ST8SIA6: variants seen among roughly 807,000 people sequenced by gnomAD.
ST8SIA6 encodes the protein ST8 alpha-N-acetyl-neuraminide alpha-2,8-sialyltransferase 6.
A neutral mutation model predicts 33.6 loss-of-function variants in ST8SIA6; 39 were observed. The ratio of observed to expected loss-of-function variants is 1.16; its 90% CI spans 0.90 to 1.52. The LOEUF (loss-of-function observed/expected upper bound fraction) is 1.52. ST8SIA6 is among the 40% of genes most tolerant of loss of function. The pLI is 0.00. For synonymous variants in ST8SIA6, 172 were observed against 167.2 expected, an observed-to-expected ratio of 1.03 and a Z score of -0.22; for missense variants, 441 against 443.8, an observed-to-expected ratio of 0.99 and a Z score of 0.06.
intron 3 of ST8SIA6, among the ~76,000 whole-genome samples, chr10:17,362,790 C>A (rs1849433850): frequency 1.3e-5 from 2 of 152,120 alleles, no homozygotes; most frequent in Non-Finnish European, 2.9e-5. Flanking sequence ...CGGTTCACTG[C>A]AACCTCCGCC....
chr10:17,383,326 A>G (rs969051188), intron 3 of ST8SIA6, among the ~76,000 whole-genome samples: 22 of 152,210 alleles, frequency 1.4e-4, no homozygotes, highest in African/African-American at 5.3e-4. Context: ...AAATGACATA[A>G]TTTGGCTTAT....
intron 2 of ST8SIA6, among the ~76,000 whole-genome samples, chr10:17,424,546 GT>G: frequency 6.6e-6 from 1 of 152,116 alleles, no homozygotes; most frequent in Non-Finnish European, 1.5e-5. Context: ...TTTAAAGATT[GT>G]GCTCTGATTG....
At chr10:17,342,532 C>A (rs1848712070) in intron 4 of ST8SIA6, among the ~76,000 whole-genome samples, 1 of 152,152 alleles carries the variant, frequency 6.6e-6, no homozygotes, top group South Asian at 2.1e-4. Context: ...GGGAAGAAAG[C>A]CAGCTGGGAC....
chr10:17,342,751 C>G (rs1011701489), intron 4 of ST8SIA6, among the ~76,000 whole-genome samples: 2 of 152,100 alleles, frequency 1.3e-5, no homozygotes, highest in African/African-American at 4.8e-5. Context: ...AAGTTTGAGA[C>G]CAGCCTGGCC....
chr10:17,334,016 TG>T (rs200533681), intron 4 of ST8SIA6, among the ~76,000 whole-genome samples: 7 of 149,032 alleles, frequency 4.7e-5, no homozygotes, highest in Non-Finnish European at 8.9e-5. Flanking sequence ...CCACTGCACC[TG>T]GTTTTTTTTT....
intron 4 of ST8SIA6, among the ~76,000 whole-genome samples, chr10:17,338,068 C>T (rs973147824): frequency 2.1e-5 from 3 of 143,014 alleles, no homozygotes; most frequent in Admixed American, 7.3e-5. Flanking sequence ...GAGTTTCACT[C>T]TTCCCTCCCA....
intron 2 of ST8SIA6, among the ~76,000 whole-genome samples, chr10:17,397,682 T>C (rs1850864645): frequency 6.6e-6 from 1 of 152,184 alleles, no homozygotes; most frequent in Non-Finnish European, 1.5e-5. Flanking sequence ...CATTAATTGG[T>C]ACACATTTCC....
chr10:17,344,997 AAGAC>A (rs774635106), intron 4 of ST8SIA6, among the ~76,000 whole-genome samples: 18 of 151,874 alleles, frequency 1.2e-4, no homozygotes, highest in South Asian at 2.1e-4. Context: ...AACAGAAAAA[AAGAC>A]AGAGAACATC....
intron 4 of ST8SIA6, among the ~76,000 whole-genome samples, chr10:17,337,303 G>T (rs1394227801): frequency 6.6e-6 from 1 of 152,174 alleles, no homozygotes; most frequent in Non-Finnish European, 1.5e-5. Flanking sequence ...ACCCCATCTC[G>T]GTTATTTCTT....
intron 3 of ST8SIA6, among the ~76,000 whole-genome samples, chr10:17,387,468 T>G (rs1850420935): frequency 1.4e-5 from 2 of 144,668 alleles, no homozygotes; most frequent in Admixed American, 6.9e-5. Context: ...GGGTTCTCCA[T>G]GTTGGTCTGG....
At chr10:17,369,976 A>T (rs1485242380) in intron 3 of ST8SIA6, among the ~76,000 whole-genome samples, 2 of 149,258 alleles carry the variant, frequency 1.3e-5, no homozygotes, top group African/African-American at 2.5e-5. Flanking sequence ...TTTTTAATTC[A>T]GTGTGACAAT....
At chr10:17,402,675 C>T (rs1479317473) in intron 2 of ST8SIA6, among the ~76,000 whole-genome samples, 1 of 151,408 alleles carries the variant, frequency 6.6e-6, no homozygotes, top group South Asian at 2.1e-4. Flanking sequence ...ATCGCAAGAA[C>T]AAAAAACCAA....
chr10:17,346,730 T>G (rs563362059), intron 4 of ST8SIA6, among the ~76,000 whole-genome samples: 1 of 152,214 alleles, frequency 6.6e-6, no homozygotes, highest in Admixed American at 6.5e-5. Context: ...ATAACCAACA[T>G]GCCAGTTAAG....
intron 2 of ST8SIA6, among the ~76,000 whole-genome samples, chr10:17,438,428 A>G (rs879684254): frequency 9.9e-5 from 15 of 152,146 alleles, no homozygotes; most frequent in Non-Finnish European, 1.9e-4. Context: ...ACATATACAA[A>G]CATTATGGAG....
intron 3 of ST8SIA6, among the ~76,000 whole-genome samples, chr10:17,362,937 C>A (rs1486629396): frequency 6.6e-6 from 1 of 152,080 alleles, no homozygotes; most frequent in Non-Finnish European, 1.5e-5. Context: ...ATCTCGAACT[C>A]CTGACCTTGT....
At chr10:17,339,629 T>G (rs1848610110) in intron 4 of ST8SIA6, among the ~76,000 whole-genome samples, 1 of 152,130 alleles carries the variant, frequency 6.6e-6, no homozygotes, top group African/African-American at 2.4e-5. Flanking sequence ...CTTTTTTTAC[T>G]TCTCTTCTTG....
intron 3 of ST8SIA6, among the ~76,000 whole-genome samples, chr10:17,374,182 A>AT (rs1352487069): frequency 6.8e-6 from 1 of 147,394 alleles, no homozygotes; most frequent in Non-Finnish European, 1.5e-5. Flanking sequence ...TCATAATCCC[A>AT]TTTTTTTATC....
At chr10:17,336,696 C>T (rs1050564197) in intron 4 of ST8SIA6, among the ~76,000 whole-genome samples, 4 of 150,820 alleles carry the variant, frequency 2.7e-5, no homozygotes, top group Middle Eastern at 3.5e-3. Flanking sequence ...CAGGTTCAAG[C>T]GATTCTCCTG....
intron 2 of ST8SIA6, among the ~76,000 whole-genome samples, chr10:17,411,408 C>T (rs905093138): frequency 6.6e-6 from 1 of 152,126 alleles, no homozygotes; most frequent in Non-Finnish European, 1.5e-5. Context: ...GTCTCGAACT[C>T]CTGACCTCAG....
Sources: gnomAD v4.1 joint callset for allele counts (sites outside exome capture counted in the v4.1 genomes callset) on GRCh38, gnomAD v4.1.1 for gene constraint, MANE v1.5 for transcripts, NCBI Gene and HGNC (gene_info 2026-07-23, HGNC 2026-07-21) for gene names.